FRYL: variants seen among roughly 807,000 people sequenced by gnomAD.
The protein encoded by FRYL is FRY like transcription coactivator, also known as protein furry homolog-like.
A neutral mutation model predicts 351.2 loss-of-function variants in FRYL; 150 were observed. The observed-to-expected ratio is 0.43, with a 90% CI of 0.37 to 0.49. FRYL has a LOEUF of 0.49. Among genes scored for constraint, FRYL ranks in the 20% least tolerant of loss-of-function variants. FRYL has a pLI of 0.00. For missense variants in FRYL, 3,036 were observed against 3,619.3 expected (o/e 0.84, Z 4.13); for synonymous variants, 1,153 against 1,257.1 (o/e 0.92, Z 1.75).
Position 48,561,595 on chromosome 4 carries a change from CT to C in FRYL, c.3737del (p.Glu1246GlyfsTer30). 6.2e-7 allele frequency: 1 copy of C among 1,611,606 alleles called. No homozygotes were observed. Among genetic ancestry groups the C allele is most frequent in the Non-Finnish European group, 8.5e-7 (1 of 1,178,398 alleles). ...TGAGTACTCCATCTGTTCTCTGAACCTCCAATTTGTGAGCATAGCGAAACAT... is the reference window on the plus strand; with the variant it reads ...TGAGTACTCCATCTGTTCTCTGAACCCCAATTTGTGAGCATAGCGAAACAT... ...PKMFRYAHKL[E>X]VQRTDGVLSQ... On this transcript the variant is annotated frameshift_variant, in exon 33 of 64. Coordinates refer to ENST00000358350, the MANE Select transcript of FRYL (RefSeq NM_015030.2). LOFTEE classifies it high-confidence loss of function.
At chr4:48,755,077 C>G (rs1302933035) in intron 1 of FRYL, among the ~76,000 whole-genome samples, 2 of 152,124 alleles carry the variant, frequency 1.3e-5, no homozygotes, top group Non-Finnish European at 2.9e-5. Context: ...TTCTATTAGT[C>G]TAGACTATGA....
chr4:48,685,185 A>C (rs1194063643), intron 2 of FRYL, among the ~76,000 whole-genome samples: 3 of 152,194 alleles, frequency 2.0e-5, no homozygotes, highest in African/African-American at 7.2e-5. Flanking sequence ...TAAGACAAGG[A>C]TTTACTTTGT....
intron 1 of FRYL, among the ~76,000 whole-genome samples, chr4:48,736,446 C>T (rs1211133621): frequency 6.6e-6 from 1 of 152,012 alleles, no homozygotes; most frequent in Non-Finnish European, 1.5e-5. Flanking sequence ...TGATAAGCTT[C>T]TAGCAGGTTA....
intron 1 of FRYL, among the ~76,000 whole-genome samples, chr4:48,744,837 T>A (rs1456238098): frequency 1.3e-5 from 2 of 151,994 alleles, no homozygotes; most frequent in African/African-American, 4.8e-5. Flanking sequence ...ATCCTCAATA[T>A]CTCCCACCCA....
In FRYL at chr4:48,531,352, C is replaced by T. The variant is rs773403566; in HGVS notation, c.6707G>A (p.Ser2236Asn). The T allele has an allele frequency of 3.7e-6, 6 of 1,609,024 alleles. No individual in the cohort carries two copies. The East Asian group carries it at 1.3e-4, about 36-fold the overall frequency. The change falls in exon 50 of 64, where the codon AGT (serine) becomes AAT (asparagine). Residue 2236 changes from serine to asparagine, a missense_variant and splice_region_variant. By Grantham distance (46) the Ser-to-Asn change is conservative. This residue lies in a region of FRYL where 1,987 missense variants were observed against 2,311.7 expected (regional missense o/e 0.86). Transcript: ENST00000358350. ...GTTAAGGGCTTCCTTCCAGTAAGGA[C>T]TCTGGTTTAAAAAATAATTGACACG... Reference protein sequence around the residue: ...IIKIIGKYVQSPYWKEALNIL... With the variant: ...IIKIIGKYVQNPYWKEALNIL...
At chr4:48,736,718 C>T (rs189227754) in intron 1 of FRYL, among the ~76,000 whole-genome samples, 3 of 150,828 alleles carry the variant, frequency 2.0e-5, no homozygotes, top group South Asian at 4.2e-4. Flanking sequence ...GGCATGGTGG[C>T]GAGCACCTGT....
At chr4:48,630,109 A>G (rs1009965920) in intron 4 of FRYL, among the ~76,000 whole-genome samples, 6 of 152,130 alleles carry the variant, frequency 3.9e-5, no homozygotes, top group Admixed American at 3.9e-4. Context: ...TCTCCCATTC[A>G]GAGTACTGTA....
At chr4:48,589,500 G>A (rs1742824555) in intron 18 of FRYL, among the ~76,000 whole-genome samples, 1 of 151,888 alleles carries the variant, frequency 6.6e-6, no homozygotes, top group African/African-American at 2.4e-5. Context: ...CAGAGTAAGT[G>A]TAGGGCCTTG....
intron 41 of FRYL, chr4:48,546,579 T>A (rs1361396907): frequency 3.3e-6 from 1 of 299,704 alleles, no homozygotes; most frequent in African/African-American, 2.1e-5. Context: ...TTTGTCAACA[T>A]CGCTTGTCAG....
intron 3 of FRYL, 135 bp downstream of exon 3, chr4:48,684,538 C>T (rs531138921): frequency 6.6e-5 from 10 of 152,336 alleles, no homozygotes; most frequent in Admixed American, 1.3e-4. Context: ...CTGATTACCA[C>T]AACTTTTAAC....
chr4:48,602,196 T>C, intron 12 of FRYL, 75 bp from the exon 13 acceptor site: 1 of 741,182 alleles, frequency 1.3e-6, no homozygotes, highest in Non-Finnish European at 2.4e-6. Context: ...TTATATTTCA[T>C]TTATTCTCAT....
At chr4:48,512,828 A>G in intron 56 of FRYL, 140 bp from the exon 57 acceptor site, 1 of 615,822 alleles carries the variant, frequency 1.6e-6, no homozygotes, top group Non-Finnish European at 2.9e-6. Flanking sequence ...ACAACAACCT[A>G]AATCTTGTAA....
At chr4:48,630,397 T>C (rs1307462449) in intron 4 of FRYL, among the ~76,000 whole-genome samples, 1 of 152,152 alleles carries the variant, frequency 6.6e-6, no homozygotes, top group Non-Finnish European at 1.5e-5. Context: ...AAAAAAATAG[T>C]GAAAATTTTA....
intron 45 of FRYL, among the ~76,000 whole-genome samples, chr4:48,541,675 G>A (rs969351211): frequency 3.3e-5 from 5 of 152,150 alleles, no homozygotes; most frequent in Non-Finnish European, 5.9e-5. Context: ...TAGAAAAAGT[G>A]GGGAGAGAGG....
At position 48,521,060 on chromosome 4, in the gene FRYL, G is replaced by A; in HGVS notation, c.7677C>T (p.Ser2559=). Residue 2559 remains serine, a synonymous_variant, in exon 55 of 64, where the codon AGC becomes AGT. Transcript: ENST00000358350. ...TLEASLDNAN[S]RLPEDTTSVL... ...CATTTCTCCCCACCTCAGGCAGCCGGCTGTTAGCATTATCTAGAGAAGCCT... is the reference window on the plus strand; with the variant it reads ...CATTTCTCCCCACCTCAGGCAGCCGACTGTTAGCATTATCTAGAGAAGCCT... 6.2e-7 allele frequency: 1 copy of A among 1,610,408 alleles called. No individual in the cohort carries two copies. Among genetic ancestry groups the A allele is most frequent in the Non-Finnish European group, 8.5e-7 (1 of 1,178,124 alleles).
chr4:48,609,216 A>G (rs1747520729), intron 8 of FRYL, 149 bp from the exon 9 acceptor site: 5 of 611,462 alleles, frequency 8.2e-6, no homozygotes, highest in South Asian at 2.2e-5. Flanking sequence ...ATTTTATTCT[A>G]TCTTCAATTT....
chr4:48,593,271 C>A (rs200281743), intron 16 of FRYL, among the ~76,000 whole-genome samples: 279 of 133,462 alleles, frequency 2.1e-3, no homozygotes, highest in East Asian at 2.8e-3. Context: ...AAAAAACAAC[C>A]AAAAAAAAAA....
intron 55 of FRYL, among the ~76,000 whole-genome samples, chr4:48,516,085 T>C (rs960356332): frequency 4.6e-5 from 7 of 152,118 alleles, no homozygotes; most frequent in Non-Finnish European, 1.0e-4. Context: ...TACTACAAAA[T>C]CTCATTTTGG....
intron 2 of FRYL, among the ~76,000 whole-genome samples, chr4:48,692,777 T>A (rs1382943535): frequency 1.3e-5 from 2 of 152,244 alleles, no homozygotes; most frequent in Non-Finnish European, 2.9e-5. Context: ...TAATTCATGT[T>A]AAGGTGTTAG....
Sources: gnomAD v4.1 joint callset for allele counts (sites outside exome capture counted in the v4.1 genomes callset) on GRCh38, gnomAD v4.1.1 for gene constraint, gnomAD v4.1.1 regional missense constraint, MANE v1.5 for transcripts, NCBI Gene and HGNC (gene_info 2026-07-23, HGNC 2026-07-21) for gene names.